Variants in EPHA3 observed in about 807,000 individuals in gnomAD.
The protein encoded by EPHA3 is EPH receptor A3, also known as ephrin type-A receptor 3.
In EPHA3, 42 loss-of-function variants were observed where a neutral mutation model predicts 107.1. The observed-to-expected ratio is 0.39, with a 90% CI of 0.31 to 0.51. EPHA3 has a LOEUF of 0.51. Among genes scored for constraint, EPHA3 ranks in the 20% least tolerant of loss-of-function variants. The pLI is 0.78. For synonymous variants in EPHA3, 461 were observed against 424.8 expected (o/e 1.09, Z -1.05); for missense variants, 1,183 against 1,211.2 (o/e 0.98, Z 0.35).
chr3:89,283,970 A>G (rs1407838254), intron 3 of EPHA3, among the ~76,000 whole-genome samples: 2 of 152,092 alleles, frequency 1.3e-5, no homozygotes, highest in African/African-American at 2.4e-5. Flanking sequence ...ACATGAATAC[A>G]GAGACATTTG....
chr3:89,217,321 G>A (rs1704243805), intron 3 of EPHA3, among the ~76,000 whole-genome samples: 1 of 151,972 alleles, frequency 6.6e-6, no homozygotes, highest in African/African-American at 2.4e-5. Context: ...CTTCCAGTAT[G>A]CGGACAAAAC....
intron 7 of EPHA3, among the ~76,000 whole-genome samples, chr3:89,402,146 G>A (rs1708976272): frequency 6.6e-6 from 1 of 152,104 alleles, no homozygotes; most frequent in Non-Finnish European, 1.5e-5. Context: ...TTTTAAAATT[G>A]TAATGTAATT....
intron 2 of EPHA3, among the ~76,000 whole-genome samples, chr3:89,209,123 T>A (rs114671811): frequency 3.3e-5 from 5 of 152,206 alleles, no homozygotes; most frequent in Non-Finnish European, 7.4e-5. Context: ...TGTTCTAAGA[T>A]AACCTTAACT....
intron 3 of EPHA3, among the ~76,000 whole-genome samples, chr3:89,276,595 A>C (rs563950170): frequency 6.6e-6 from 1 of 152,246 alleles, no homozygotes; most frequent in Non-Finnish European, 1.5e-5. Context: ...AGAAAGCATC[A>C]GAGATTGATA....
chr3:89,468,176 C>T (rs767481587), intron 15 of EPHA3, among the ~76,000 whole-genome samples: 6 of 152,046 alleles, frequency 3.9e-5, no homozygotes, highest in Non-Finnish European at 8.8e-5. Context: ...ATTTGAAATC[C>T]CCAGAGAAAT....
chr3:89,419,102 C>T (rs546367064), intron 10 of EPHA3, 103 bp from the exon 11 acceptor site: 3 of 1,251,878 alleles, frequency 2.4e-6, no homozygotes, highest in Non-Finnish European at 3.3e-6. Flanking sequence ...GTCAAAGGCA[C>T]AAATATTTTA....
At chr3:89,260,806 A>G (rs2107280055) in intron 3 of EPHA3, among the ~76,000 whole-genome samples, 1 of 152,316 alleles carries the variant, frequency 6.6e-6, no homozygotes, top group South Asian at 2.1e-4. Context: ...ACACAGTCAA[A>G]ATCACCCTCT....
chr3:89,110,807 C>T (rs963112582), intron 1 of EPHA3, among the ~76,000 whole-genome samples: 1 of 152,014 alleles, frequency 6.6e-6, no homozygotes, highest in African/African-American at 2.4e-5. Flanking sequence ...AAAGTTAAAA[C>T]TGGATATAAA....
chr3:89,229,769 G>A (rs2107222337), intron 3 of EPHA3, among the ~76,000 whole-genome samples: 1 of 151,904 alleles, frequency 6.6e-6, no homozygotes, highest in South Asian at 2.1e-4. Context: ...GAGTTAATTG[G>A]AAATATGAAC....
intron 13 of EPHA3, among the ~76,000 whole-genome samples, chr3:89,443,232 G>A (rs1709818039): frequency 6.6e-6 from 1 of 152,140 alleles, no homozygotes; most frequent in Admixed American, 6.6e-5. Flanking sequence ...GATGTAGAAT[G>A]TGTATTGTTT....
At chr3:89,245,852 G>A (rs568000077) in intron 3 of EPHA3, among the ~76,000 whole-genome samples, 1 of 152,178 alleles carries the variant, frequency 6.6e-6, no homozygotes, top group South Asian at 2.1e-4. Context: ...TACAAGGACA[G>A]CTTTTCTAAT....
chr3:89,185,516 C>T (rs948464895), intron 2 of EPHA3, among the ~76,000 whole-genome samples: 1 of 152,070 alleles, frequency 6.6e-6, no homozygotes, highest in Admixed American at 6.6e-5. Context: ...ATCCAATTTT[C>T]TTACTTGTTC....
At chr3:89,255,538 C>T (rs1197161239) in intron 3 of EPHA3, among the ~76,000 whole-genome samples, 3 of 152,218 alleles carry the variant, frequency 2.0e-5, no homozygotes, top group Non-Finnish European at 4.4e-5. Context: ...GCCATATGGC[C>T]TGTAAAGCCT....
intron 16 of EPHA3, among the ~76,000 whole-genome samples, chr3:89,476,617 A>ATTTATTTATTTT (rs1553697737): frequency 0.16 from 23,461 of 145,270 alleles, 2,377 homozygotes; most frequent in Non-Finnish European, 0.22. Context: ...TTATTTATTT[A>ATTTATTTATTTT]ATTTTTTTGA....
chr3:89,423,686 A>T (rs1343954738), intron 11 of EPHA3, among the ~76,000 whole-genome samples: 1 of 150,140 alleles, frequency 6.7e-6, no homozygotes, highest in Non-Finnish European at 1.5e-5. Context: ...GAAAAATATA[A>T]GACAGGGAAT....
chr3:89,118,855 A>T (rs548677321), intron 1 of EPHA3, among the ~76,000 whole-genome samples: 66 of 152,178 alleles, frequency 4.3e-4, no homozygotes, highest in Non-Finnish European at 3.1e-4. Flanking sequence ...ATAAATACTT[A>T]TATAAAAATT....
chr3:89,382,577 A>G (rs1483184435), intron 5 of EPHA3, among the ~76,000 whole-genome samples: 18 of 152,026 alleles, frequency 1.2e-4, no homozygotes, highest in Admixed American at 1.2e-3. Flanking sequence ...AGGGTCAGTC[A>G]GGAGGCAGAG....
At chr3:89,286,258 G>A (rs754698182) in intron 3 of EPHA3, among the ~76,000 whole-genome samples, 2 of 151,508 alleles carry the variant, frequency 1.3e-5, no homozygotes, top group South Asian at 2.1e-4. Context: ...GGAGTAGAGC[G>A]TGGGACAAGT....
intron 15 of EPHA3, among the ~76,000 whole-genome samples, chr3:89,452,569 A>T (rs1710015593): frequency 1.3e-5 from 2 of 152,132 alleles, no homozygotes; most frequent in Non-Finnish European, 2.9e-5. Context: ...ATCAAATTCT[A>T]TGAGTTCCTT....
Sources: allele counts gnomAD v4.1 joint callset (sites outside exome capture counted in the v4.1 genomes callset), GRCh38; gene constraint gnomAD v4.1.1; transcripts MANE v1.5; gene names NCBI Gene and HGNC (gene_info 2026-07-23, HGNC 2026-07-21).